Variants in VPS13B observed in about 807,000 individuals in gnomAD.
The protein encoded by VPS13B is intermembrane lipid transfer protein VPS13B.
Under a neutral mutation model 426.4 loss-of-function variants are expected in VPS13B, and 285 were observed. That is an observed-to-expected ratio of 0.67 (90% CI 0.61 to 0.74). VPS13B has a LOEUF of 0.74. Ranked by LOEUF, VPS13B falls within the 30% of genes least tolerant of loss-of-function variation. VPS13B has a pLI of 0.00. For synonymous variants in VPS13B, 1,676 were observed against 1,676.4 expected (o/e 1.00, Z 0.01); for missense variants, 4,537 against 4,782.6 (o/e 0.95, Z 1.51).
chr8:99,598,921 ATTACT>A (rs893939419), intron 33 of VPS13B, among the ~76,000 whole-genome samples: 22 of 152,082 alleles, frequency 1.4e-4, no homozygotes, highest in African/African-American at 4.8e-4. Flanking sequence ...CAAAAAAAAA[ATTACT>A]TTAGCCAACA....
chr8:99,359,304 C>T (rs928864875), intron 19 of VPS13B, among the ~76,000 whole-genome samples: 1 of 151,900 alleles, frequency 6.6e-6, no homozygotes, highest in Non-Finnish European at 1.5e-5. Context: ...GAGTTTTGTA[C>T]TTTGAACAGT....
Position 99,488,944 on chromosome 8 carries a change from A to G in VPS13B, c.3870+7142A>G, listed in dbSNP as rs3103101. 2.1e-3 allele frequency among the ~76,000 whole-genome samples: 319 copies of G among 152,278 alleles called. 6 individuals carry two copies. In the East Asian group the frequency reaches 0.037, roughly 18 times the overall value. On this transcript the variant is annotated intron_variant, in intron 25 of 61. Transcript: ENST00000357162. ...TGCCATTGCTTTTGGTGTTTTAGTC[A>G]TGAAGTCTTTGCCCATTCCTATGTC...
chr8:99,308,687 G>A (rs998271229), intron 19 of VPS13B, among the ~76,000 whole-genome samples: 2 of 152,218 alleles, frequency 1.3e-5, no homozygotes, highest in South Asian at 4.1e-4. Context: ...TCCTTTGGGT[G>A]TATCCCCAGT....
intron 29 of VPS13B, among the ~76,000 whole-genome samples, chr8:99,514,136 C>T (rs1821934836): frequency 6.6e-6 from 1 of 152,138 alleles, no homozygotes; most frequent in South Asian, 2.1e-4. Context: ...TTGTTTTCAC[C>T]ATCCATGTCA....
intron 19 of VPS13B, among the ~76,000 whole-genome samples, chr8:99,378,750 G>A (rs1475928517): frequency 2.6e-5 from 4 of 151,976 alleles, no homozygotes; most frequent in Non-Finnish European, 4.4e-5. Flanking sequence ...TAAATGTTTT[G>A]TTCATTAATA....
intron 15 of VPS13B, 58 bp downstream of exon 15, chr8:99,156,801 TA>T: frequency 6.4e-7 from 1 of 1,562,310 alleles, no homozygotes; most frequent in Non-Finnish European, 8.8e-7. Flanking sequence ...GATCATCAGA[TA>T]AGTTTCTTTT....
intron 5 of VPS13B, among the ~76,000 whole-genome samples, chr8:99,110,607 T>A (rs1301210484): frequency 1.3e-5 from 2 of 151,892 alleles, no homozygotes; most frequent in African/African-American, 4.8e-5. Flanking sequence ...TTATATAATT[T>A]TAATTAATTT....
At chr8:99,352,824 C>CA (rs1485715908) in intron 19 of VPS13B, among the ~76,000 whole-genome samples, 228 of 137,620 alleles carry the variant, frequency 1.7e-3, no homozygotes, top group Middle Eastern at 7.3e-3. Flanking sequence ...AACTCCATCT[C>CA]AAAAAAAAAA....
intron 25 of VPS13B, among the ~76,000 whole-genome samples, chr8:99,486,839 A>G (rs1252398995): frequency 1.3e-5 from 2 of 152,082 alleles, no homozygotes; most frequent in Non-Finnish European, 2.9e-5. Context: ...ACACCATAGT[A>G]TTTGTCTTTA....
chr8:99,577,431 A>G, intron 32 of VPS13B, 59 bp from the exon 33 acceptor site: 1 of 1,607,828 alleles, frequency 6.2e-7, no homozygotes, highest in East Asian at 2.2e-5. Context: ...TAAGAATGAT[A>G]AATTATCATC....
intron 44 of VPS13B, among the ~76,000 whole-genome samples, chr8:99,815,782 A>G (rs1329844235): frequency 1.3e-5 from 2 of 152,198 alleles, no homozygotes; most frequent in East Asian, 1.9e-4. Context: ...AGAATTCACC[A>G]CCGTATTAAA....
chr8:99,159,539 A>T (rs974683419), intron 15 of VPS13B, among the ~76,000 whole-genome samples: 10 of 152,226 alleles, frequency 6.6e-5, no homozygotes, highest in Non-Finnish European at 5.9e-5. Flanking sequence ...AAATTGCTGC[A>T]GCTAGCCCCA....
At chr8:99,074,303 A>G (rs1355862359) in intron 3 of VPS13B, among the ~76,000 whole-genome samples, 4 of 152,074 alleles carry the variant, frequency 2.6e-5, no homozygotes, top group Non-Finnish European at 5.9e-5. Flanking sequence ...TTTAGCACCA[A>G]TTAGATGATC....
intron 43 of VPS13B, among the ~76,000 whole-genome samples, chr8:99,801,199 C>T (rs573434042): frequency 2.0e-5 from 3 of 152,076 alleles, no homozygotes; most frequent in Non-Finnish European, 2.9e-5. Context: ...TCTCTCCCAC[C>T]CTCTGTCTCA....
At position 99,832,355 on chromosome 8, in the gene VPS13B, T is replaced by TTTTTTTTTTTG; in HGVS notation, c.9331-4_9331-3insGTTTTTTTTTT. ...GTGCTCTCTGCATTTTTTTTTTTTT[T>TTTTTTTTTTTG]TTTTTTTTTTTAGTATTTTCGTGTT... is the stretch of plus-strand genomic sequence containing the variant. On this transcript the variant is annotated splice_polypyrimidine_tract_variant and intron_variant, in intron 51 of 61. Transcript: ENST00000357162. 1 of 1,468,140 alleles carries TTTTTTTTTTTG rather than the reference T, an allele frequency of 6.8e-7. No homozygotes were observed. Among genetic ancestry groups the TTTTTTTTTTTG allele is most frequent in the African/African-American group, 1.5e-5 (1 of 68,056 alleles). The allele number at this position is 1,468,140 out of a possible 1,614,324, so 90.9% of individuals were successfully genotyped here. A position where few individuals can be genotyped will look rare whatever the true frequency, so the allele number is the denominator to read the frequency against.
In VPS13B at chr8:99,809,424, C is replaced by G; in HGVS notation, c.7991C>G (p.Pro2664Arg). 1 of 1,613,948 alleles carries G rather than the reference C, an allele frequency of 6.2e-7. No homozygotes were observed. Among genetic ancestry groups the G allele is most frequent in the Non-Finnish European group, 8.5e-7 (1 of 1,179,968 alleles). ...EGWGNWRWSEPFSVDHAGTFI... is the reference protein window; with the variant it reads ...EGWGNWRWSERFSVDHAGTFI... ...TGGGGCAACTGGCGTTGGTCAGAGC[C>G]TTTCAGTGTGGACCATGCCGGGACT... Residue 2664 changes from proline to arginine, a missense_variant, in exon 44 of 62, where the codon CCT (proline) becomes CGT (arginine). Physicochemically the swap from Pro to Arg is moderately radical, Grantham distance 103 (BLOSUM62 -2). Around this residue, in one of 2 missense-constraint regions of VPS13B, gnomAD observed 4,311 missense variants for 4,474.3 expected, o/e 0.96. Coordinates refer to ENST00000357162, the MANE Select transcript of VPS13B (RefSeq NM_152564.5).
chr8:99,520,992 T>C lies in VPS13B; in HGVS notation c.4727T>C (p.Leu1576Pro). ...GACAATCCCCTTGGCAGATCTGTCCTTAGGAAAGATATTTACCAGTAAGTT... is the reference window on the plus strand; with the variant it reads ...GACAATCCCCTTGGCAGATCTGTCCCTAGGAAAGATATTTACCAGTAAGTT... ...QADNPLGRSV[L>P]RKDIYQRALN... Residue 1576 changes from leucine (L) to proline (P), a missense_variant, in exon 30 of 62, where the codon CTT becomes CCT. Coordinates refer to ENST00000357162, the MANE Select transcript of VPS13B (RefSeq NM_152564.5). 1 of 1,613,660 alleles carries C rather than the reference T, an allele frequency of 6.2e-7. No individual in the cohort carries two copies. The highest frequency in any genetic ancestry group is 8.5e-7 in the Non-Finnish European group (1 of 1,179,616).
intron 58 of VPS13B, among the ~76,000 whole-genome samples, chr8:99,863,423 T>C (rs1588799501): frequency 6.6e-6 from 1 of 152,114 alleles, no homozygotes; most frequent in Admixed American, 6.5e-5. Context: ...ATGCTATTAA[T>C]TGGAGACTTA....
chr8:99,278,969 A>G (rs999402166), intron 19 of VPS13B, among the ~76,000 whole-genome samples: 2 of 152,188 alleles, frequency 1.3e-5, no homozygotes, highest in African/African-American at 4.8e-5. Flanking sequence ...TTAATGACAC[A>G]TTTCTTAGGT....
Sources: allele counts gnomAD v4.1 joint callset (sites outside exome capture counted in the v4.1 genomes callset), GRCh38; gene constraint gnomAD v4.1.1; regional missense constraint gnomAD v4.1.1; transcripts MANE v1.5; gene names NCBI Gene and HGNC (gene_info 2026-07-23, HGNC 2026-07-21).